MUSK: variants seen among roughly 807,000 people sequenced by gnomAD.
MUSK encodes the protein muscle associated receptor tyrosine kinase.
MUSK carries 55 observed loss-of-function variants against 88.7 expected under a neutral mutation model. The ratio of observed to expected loss-of-function variants is 0.62; its 90% CI spans 0.50 to 0.78. MUSK has a LOEUF of 0.78. Ranked by LOEUF, MUSK falls within the 30% of genes least tolerant of loss-of-function variation. The pLI, the probability that MUSK is intolerant of heterozygous loss-of-function variation, is 0.00. For missense variants in MUSK, 1,015 were observed against 1,074.3 expected (o/e 0.94, Z 0.77); for synonymous variants, 387 against 391.9 (o/e 0.99, Z 0.15).
chr9:110,716,082 C>G (rs1388464275), intron 5 of MUSK, among the ~76,000 whole-genome samples: 2 of 149,550 alleles, frequency 1.3e-5, no homozygotes, highest in Non-Finnish European at 2.9e-5. Flanking sequence ...CACACGTTTA[C>G]CTATGTAACA....
At chr9:110,747,824 G>C (rs768872866) in intron 7 of MUSK, 24 bp downstream of exon 7, 9 of 1,611,884 alleles carry the variant, frequency 5.6e-6, no homozygotes, top group Non-Finnish European at 7.6e-6. Context: ...TCACATTTGC[G>C]TTGTTCCAGG....
chr9:110,755,356 G>A (rs1219928099), intron 7 of MUSK, among the ~76,000 whole-genome samples: 4 of 152,152 alleles, frequency 2.6e-5, no homozygotes, highest in Admixed American at 1.3e-4. Context: ...ATTGTAGATT[G>A]CAGAACAACT....
chr9:110,797,837 G>A (rs1399276855), intron 14 of MUSK, among the ~76,000 whole-genome samples: 1 of 152,042 alleles, frequency 6.6e-6, no homozygotes, highest in Non-Finnish European at 1.5e-5. Flanking sequence ...AGATTATCAA[G>A]CAATTCCTGT....
At chr9:110,688,608 T>A (rs2076228564) in intron 3 of MUSK, among the ~76,000 whole-genome samples, 1 of 151,984 alleles carries the variant, frequency 6.6e-6, no homozygotes, top group Non-Finnish European at 1.5e-5. Context: ...CTTGATGTTC[T>A]CCCTCCCCAC....
rs202126269 is a variant in MUSK, at chr9:110,785,684, G to A, written c.1744G>A (p.Gly582Arg). 6.8e-6 allele frequency: 11 copies of A among 1,608,424 alleles called. No individual in the cohort carries two copies. Among genetic ancestry groups the A allele is most frequent in the Non-Finnish European group, 6.8e-6 (8 of 1,176,792 alleles). The change falls in exon 13 of 15, where the codon GGA becomes AGA. Residue 582 changes from glycine to arginine, a missense_variant. Coordinates refer to ENST00000374448, the MANE Select transcript of MUSK (RefSeq NM_005592.4). ...TAACATTGAATATGTGAGAGACATC[G>A]GAGAGGGAGCGTTTGGAAGGGTGTT... is the stretch of plus-strand genomic sequence containing the variant. ...RNNIEYVRDIGEGAFGRVFQA... is the reference protein window; with the variant it reads ...RNNIEYVRDIREGAFGRVFQA...
chr9:110,759,687 A>C (rs2077371951), intron 7 of MUSK, among the ~76,000 whole-genome samples: 1 of 152,256 alleles, frequency 6.6e-6, no homozygotes, highest in African/African-American at 2.4e-5. Context: ...TTTGAAAAGA[A>C]GACATACATG....
intron 9 of MUSK, among the ~76,000 whole-genome samples, chr9:110,772,317 G>GA (rs1306441496): frequency 6.6e-6 from 1 of 151,236 alleles, no homozygotes; most frequent in African/African-American, 2.4e-5. Flanking sequence ...CTTTTTGAAA[G>GA]AAAAAAATCC....
At chr9:110,685,414 T>G (rs1454986704) in intron 2 of MUSK, among the ~76,000 whole-genome samples, 1 of 152,136 alleles carries the variant, frequency 6.6e-6, no homozygotes, top group Non-Finnish European at 1.5e-5. Context: ...CAAGTCCTGG[T>G]TCCTTTTTTG....
At chr9:110,791,249 T>A (rs946452788) in intron 14 of MUSK, among the ~76,000 whole-genome samples, 1 of 144,116 alleles carries the variant, frequency 6.9e-6, no homozygotes, top group Non-Finnish European at 1.5e-5. Context: ...GGCCAGTGTG[T>A]GTGCGCACCG....
intron 5 of MUSK, among the ~76,000 whole-genome samples, chr9:110,708,818 C>T (rs184369254): frequency 6.6e-6 from 1 of 152,192 alleles, no homozygotes; most frequent in South Asian, 2.1e-4. Flanking sequence ...GTTAGGCCCT[C>T]TTAAAGTGCA....
chr9:110,757,487 A>G (rs1026685097), intron 7 of MUSK, among the ~76,000 whole-genome samples: 2 of 151,804 alleles, frequency 1.3e-5, no homozygotes, highest in Non-Finnish European at 2.9e-5. Flanking sequence ...AAAGAAAGAA[A>G]GAAACATTTA....
intron 8 of MUSK, among the ~76,000 whole-genome samples, chr9:110,762,779 A>G (rs1336492929): frequency 6.6e-6 from 1 of 152,246 alleles, no homozygotes; most frequent in Non-Finnish European, 1.5e-5. Flanking sequence ...TGACCTTCAT[A>G]AAACTCTATG....
intron 5 of MUSK, among the ~76,000 whole-genome samples, chr9:110,724,620 T>G (rs1041890017): frequency 2.6e-5 from 4 of 152,052 alleles, no homozygotes; most frequent in Non-Finnish European, 4.4e-5. Flanking sequence ...CTTTCTCTGT[T>G]TATAGAATTG....
At position 110,716,656 on chromosome 9, in the gene MUSK, A is replaced by G. The variant is rs1266192666; in HGVS notation, c.629-17595A>G. Among the ~76,000 whole-genome samples the G allele has an allele frequency of 2.0e-5, 3 of 150,022 alleles. 1 individual carries two copies. Among genetic ancestry groups the G allele is most frequent in the African/African-American group, 7.6e-5 (3 of 39,590 alleles). On this transcript the variant is annotated intron_variant, in intron 5 of 14. Coordinates refer to ENST00000374448, the MANE Select transcript of MUSK (RefSeq NM_005592.4). ...TTTTGAATGCTGCCCTCATAATTTA[A>G]AATTGGCCTTCTCCTTCACAGGGGA...
intron 1 of MUSK, among the ~76,000 whole-genome samples, chr9:110,672,767 A>G (rs969859919): frequency 1.3e-5 from 2 of 152,158 alleles, no homozygotes; most frequent in Non-Finnish European, 2.9e-5. Flanking sequence ...TTGTTTCTTT[A>G]TGTACCCAAT....
At position 110,719,164 on chromosome 9, in the gene MUSK, A is replaced by AAAC. The variant is rs374439212; in HGVS notation, c.629-15066_629-15064dup. Among the ~76,000 whole-genome samples the AAAC allele has an allele frequency of 3.2e-3, 482 of 152,040 alleles. 2 individuals carry two copies. The highest frequency in any genetic ancestry group is 9.2e-3 in the African/African-American group (382 of 41,524). ...GACCTATATAACAGTAACACAATGA[A>AAAC]AACAACAACAACAACAACAACAAGG... On this transcript the variant is annotated intron_variant, in intron 5 of 14. Transcript: ENST00000374448.
At chr9:110,705,514 T>C (rs1332200347) in intron 5 of MUSK, among the ~76,000 whole-genome samples, 1 of 152,196 alleles carries the variant, frequency 6.6e-6, no homozygotes. Flanking sequence ...TTCTTTTCTA[T>C]GTATAGATGG....
At chr9:110,785,980 A>G (rs939938376) in intron 13 of MUSK, among the ~76,000 whole-genome samples, 1 of 149,198 alleles carries the variant, frequency 6.7e-6, no homozygotes, top group African/African-American at 2.4e-5. Flanking sequence ...TATGTATTAT[A>G]TGGTAATAAT....
intron 2 of MUSK, 22 bp downstream of exon 2, chr9:110,682,822 T>G: frequency 1.9e-6 from 3 of 1,586,212 alleles, no homozygotes; most frequent in Non-Finnish European, 2.6e-6. Flanking sequence ...ACATTTTAAT[T>G]TTTTTAAATT....
Sources: gnomAD v4.1 joint callset for allele counts (sites outside exome capture counted in the v4.1 genomes callset) on GRCh38, gnomAD v4.1.1 for gene constraint, MANE v1.5 for transcripts, NCBI Gene and HGNC (gene_info 2026-07-23, HGNC 2026-07-21) for gene names.